Variants in INPP4B observed in about 807,000 individuals in gnomAD.
INPP4B encodes the protein inositol polyphosphate-4-phosphatase type II B.
Under a neutral mutation model 122.5 loss-of-function variants are expected in INPP4B, and 55 were observed. That is an observed-to-expected ratio of 0.45 (90% CI 0.36 to 0.56). The LOEUF (loss-of-function observed/expected upper bound fraction) is 0.56. Ranked by LOEUF, INPP4B falls within the 20% of genes least tolerant of loss-of-function variation. The pLI is 0.00. For missense variants in INPP4B, 1,000 were observed against 1,097.7 expected (o/e 0.91, Z 1.26); for synonymous variants, 403 against 388.7 (o/e 1.04, Z -0.43).
Position 142,079,644 on chromosome 4 carries a change from T to C in INPP4B, c.2642+2387A>G, listed in dbSNP as rs1772808041. Among the ~76,000 whole-genome samples the C allele has an allele frequency of 2.0e-5, 3 of 152,064 alleles. No individual in the cohort carries two copies. The South Asian group carries it at 6.2e-4, about 32-fold the overall frequency. On this transcript the variant is annotated intron_variant, in intron 25 of 25. Coordinates refer to ENST00000262992, the MANE Select transcript of INPP4B (RefSeq NM_001101669.3). ...GACTTCTTTATCTTAAATTCTACGA[T>C]TATTTCTAGATATGCATTAGCATCA...
rs141134176 is a variant in INPP4B, at chr4:142,753,087, C to T, written c.-253-27186G>A. ...GATAAAGCCTTTATTCTGACAGAAT[C>T]AGAACTTTTTAGTAAGAATAAGCAT... On this transcript the variant is annotated intron_variant, in intron 1 of 25. Coordinates refer to ENST00000262992, the MANE Select transcript of INPP4B (RefSeq NM_001101669.3). 3.0e-4 allele frequency among the ~76,000 whole-genome samples: 45 copies of T among 152,190 alleles called. No individual in the cohort carries two copies. In the East Asian group the frequency reaches 7.9e-3, roughly 27 times the overall value.
At chr4:142,564,813 A>T (rs1346317176) in intron 2 of INPP4B, among the ~76,000 whole-genome samples, 2 of 152,164 alleles carry the variant, frequency 1.3e-5, no homozygotes, top group African/African-American at 4.8e-5. Flanking sequence ...GTTTAAAAAA[A>T]TGGAGTAACT....
chr4:142,421,373 A>G (rs969477510), intron 5 of INPP4B, among the ~76,000 whole-genome samples: 2 of 152,040 alleles, frequency 1.3e-5, no homozygotes, highest in Admixed American at 6.6e-5. Context: ...TGCCTAAAAA[A>G]TCCTCCCTGT....
chr4:142,034,729 C>G (rs1742752334), intron 25 of INPP4B, among the ~76,000 whole-genome samples: 1 of 152,112 alleles, frequency 6.6e-6, no homozygotes, highest in South Asian at 2.1e-4. Context: ...ATGTCCTCTG[C>G]TCAGAGCACC....
chr4:142,138,834 T>C (rs1384702521), intron 18 of INPP4B, among the ~76,000 whole-genome samples: 1 of 152,218 alleles, frequency 6.6e-6, no homozygotes, highest in Non-Finnish European at 1.5e-5. Context: ...CCTCCTTTGA[T>C]ACCTCGTTTG....
At position 142,027,070 on chromosome 4, in the gene INPP4B, A is replaced by C. The variant is rs946537708; in HGVS notation, c.*1712T>G. 1 of 152,230 alleles carries C rather than the reference A, an allele frequency of 6.6e-6. No individual in the cohort carries two copies. The highest frequency in any genetic ancestry group is 2.4e-5 in the African/African-American group (1 of 41,470). The allele number at this position is 152,230 out of a possible 1,614,324, so 9.4% of individuals were successfully genotyped here. A position where few individuals can be genotyped will look rare whatever the true frequency, so the allele number is the denominator to read the frequency against. The stretch of plus-strand genomic sequence containing the variant: ...GTTGTATTTAATCACTAAAATAAAG[A>C]ATGAGTTAAGAGAACATCAAGGTAA... On this transcript the variant is annotated 3_prime_UTR_variant, in exon 26 of 26. Coordinates refer to ENST00000262992, the MANE Select transcript of INPP4B (RefSeq NM_001101669.3).
intron 11 of INPP4B, among the ~76,000 whole-genome samples, chr4:142,241,461 T>C (rs1253336883): frequency 1.3e-5 from 2 of 152,200 alleles, no homozygotes; most frequent in South Asian, 2.1e-4. Flanking sequence ...CAGATTTTTC[T>C]TTCCTTTGAA....
rs556385492 is a variant in INPP4B, at chr4:142,339,502, T to G, written c.373-24740A>C. 3.9e-5 allele frequency among the ~76,000 whole-genome samples: 6 copies of G among 152,304 alleles called. No homozygotes were observed. In the South Asian group the frequency reaches 1.2e-3, roughly 32 times the overall value. ...AAAGTAATAAAGAACACAATTATTC[T>G]TCCCTTTAAAAGGATAGGTTCTTTT... is the stretch of plus-strand genomic sequence containing the variant. On this transcript the variant is annotated intron_variant, in intron 7 of 25. Coordinates refer to ENST00000262992, the MANE Select transcript of INPP4B (RefSeq NM_001101669.3).
intron 2 of INPP4B, among the ~76,000 whole-genome samples, chr4:142,664,810 C>A (rs1755738787): frequency 6.6e-6 from 1 of 152,128 alleles, no homozygotes; most frequent in Non-Finnish European, 1.5e-5. Context: ...CAACCAAAAT[C>A]CTTATGTAGT....
At chr4:142,415,447 A>G (rs1805498087) in intron 5 of INPP4B, among the ~76,000 whole-genome samples, 1 of 151,572 alleles carries the variant, frequency 6.6e-6, no homozygotes, top group Non-Finnish European at 1.5e-5. Context: ...AATCAAAACC[A>G]CAATGATACC....
At chr4:142,831,371 G>T (rs1157486451) in intron 1 of INPP4B, among the ~76,000 whole-genome samples, 9 of 152,190 alleles carry the variant, frequency 5.9e-5, no homozygotes, top group Admixed American at 5.9e-4. Context: ...AAGTCTTCAG[G>T]AAGATAGGAT....
chr4:142,667,711 G>A (rs961957633), intron 2 of INPP4B, among the ~76,000 whole-genome samples: 1 of 152,130 alleles, frequency 6.6e-6, no homozygotes, highest in Non-Finnish European at 1.5e-5. Flanking sequence ...AGACTATAAG[G>A]CTATTGAGAT....
Position 142,405,290 on chromosome 4 carries a change from A to G in INPP4B, c.171T>C (p.Arg57=). The change falls in exon 6 of 26, where the codon CGT becomes CGC. Residue 57 remains arginine, a synonymous_variant. Coordinates refer to ENST00000262992, the MANE Select transcript of INPP4B (RefSeq NM_001101669.3). ...AGATCTGCACCAGTGTATTCAGTTT[A>G]CGATCACGGACAGGAGCCACGAGAT... ...CKDLVAPVRD[R]KLNTLVQISV... 6.2e-7 allele frequency: 1 copy of G among 1,613,434 alleles called. No individual in the cohort carries two copies. The highest frequency in any genetic ancestry group is 8.5e-7 in the Non-Finnish European group (1 of 1,179,576).
At chr4:142,782,237 G>A (rs1580902045) in intron 1 of INPP4B, among the ~76,000 whole-genome samples, 1 of 151,632 alleles carries the variant, frequency 6.6e-6, no homozygotes, top group Middle Eastern at 3.4e-3. Context: ...GCGGTGTTTG[G>A]TTTTTTGTCC....
intron 1 of INPP4B, among the ~76,000 whole-genome samples, chr4:142,738,884 T>C (rs1369339787): frequency 6.6e-6 from 1 of 152,110 alleles, no homozygotes; most frequent in African/African-American, 2.4e-5. Flanking sequence ...ACAATGTTCA[T>C]CTTAAGTCTT....
chr4:142,654,014 T>C (rs1246316198), intron 2 of INPP4B, among the ~76,000 whole-genome samples: 1 of 152,130 alleles, frequency 6.6e-6, no homozygotes, highest in East Asian at 1.9e-4. Flanking sequence ...ATGTGGCACA[T>C]ATACACCATG....
chr4:142,209,175 A>T (rs1843802077), intron 12 of INPP4B, 149 bp from the exon 13 acceptor site: 1 of 484,828 alleles, frequency 2.1e-6, no homozygotes, highest in Non-Finnish European at 3.4e-6. Flanking sequence ...AATATTTTTT[A>T]AAAATTATTT....
intron 2 of INPP4B, among the ~76,000 whole-genome samples, chr4:142,641,707 G>A (rs989326683): frequency 2.0e-5 from 3 of 152,110 alleles, no homozygotes; most frequent in Non-Finnish European, 4.4e-5. Context: ...TTGCTATTGT[G>A]AGTAGTGCTG....
chr4:142,272,662 A>T (rs1035449270), intron 9 of INPP4B, among the ~76,000 whole-genome samples: 2 of 151,984 alleles, frequency 1.3e-5, no homozygotes, highest in Non-Finnish European at 2.9e-5. Context: ...CCAGTGTGTC[A>T]TATTCTCATT....
Sources: gnomAD v4.1 joint callset for allele counts (sites outside exome capture counted in the v4.1 genomes callset) on GRCh38, gnomAD v4.1.1 for gene constraint, MANE v1.5 for transcripts, NCBI Gene and HGNC (gene_info 2026-07-23, HGNC 2026-07-21) for gene names.